GALNTL6: variants seen among roughly 807,000 people sequenced by gnomAD.
GALNTL6 encodes the protein polypeptide N-acetylgalactosaminyltransferase like 6, also known as polypeptide N-acetylgalactosaminyltransferase-like 6.
A neutral mutation model predicts 73.7 loss-of-function variants in GALNTL6; 46 were observed. That is an observed-to-expected ratio of 0.62 (90% CI 0.49 to 0.80). The LOEUF (loss-of-function observed/expected upper bound fraction) is 0.80. GALNTL6 is among the 30% of genes least tolerant of loss of function. GALNTL6 has a pLI of 0.00. For missense variants in GALNTL6, 604 were observed against 755.0 expected (o/e 0.80, Z 2.34); for synonymous variants, 259 against 263.7 (o/e 0.98, Z 0.17).
At chr4:172,141,393 T>C (rs1198969661) in intron 2 of GALNTL6, among the ~76,000 whole-genome samples, 1 of 152,076 alleles carries the variant, frequency 6.6e-6, no homozygotes, top group African/African-American at 2.4e-5. Flanking sequence ...CAATGTGATA[T>C]ACATTCTGTG....
chr4:173,001,427 A>G (rs1752040729), intron 10 of GALNTL6, among the ~76,000 whole-genome samples: 1 of 152,210 alleles, frequency 6.6e-6, no homozygotes, highest in Non-Finnish European at 1.5e-5. Flanking sequence ...AGAATAAAAC[A>G]TAGGGGAAAA....
At position 172,821,302 on chromosome 4, in the gene GALNTL6, C is replaced by T. The variant is rs545975996; in HGVS notation, c.923+7579C>T. On this transcript the variant is annotated intron_variant, in intron 7 of 12. Coordinates refer to ENST00000506823, the MANE Select transcript of GALNTL6 (RefSeq NM_001034845.3). ...TGCCTTCATTCATTCATTCAGATTT[C>T]AAATCTTAGCTTTAATCAATGGTCT... Among the ~76,000 whole-genome samples, 68 of 152,308 alleles carry T rather than the reference C, an allele frequency of 4.5e-4. 1 individual carries two copies. The highest frequency in any genetic ancestry group is 1.6e-3 in the African/African-American group (67 of 41,566).
chr4:171,991,265 G>T (rs1740324108), intron 2 of GALNTL6, among the ~76,000 whole-genome samples: 1 of 152,058 alleles, frequency 6.6e-6, no homozygotes, highest in Admixed American at 6.5e-5. Context: ...CCTAAATTAA[G>T]GTGAGGTATG....
chr4:172,494,285 C>T (rs551741145), intron 5 of GALNTL6, among the ~76,000 whole-genome samples: 12 of 152,182 alleles, frequency 7.9e-5, no homozygotes, highest in South Asian at 6.2e-4. Flanking sequence ...ATAGAAGTAA[C>T]GACTGGGGAT....
At position 171,984,482 on chromosome 4, in the gene GALNTL6, G is replaced by A. The variant is rs1177857976; in HGVS notation, c.138+169764G>A. 2.0e-5 allele frequency among the ~76,000 whole-genome samples: 3 copies of A among 152,006 alleles called. No individual in the cohort carries two copies. In the East Asian group the frequency reaches 5.8e-4, roughly 30 times the overall value. On this transcript the variant is annotated intron_variant, in intron 2 of 12. Transcript: ENST00000506823. Reference sequence around the variant, plus strand: ...TGTGGTCAGAAAGGGTTGTAGAGGTGGCCCAAAACTCTCCAGATGGGAGAG... The same window carrying A: ...TGTGGTCAGAAAGGGTTGTAGAGGTAGCCCAAAACTCTCCAGATGGGAGAG...
intron 5 of GALNTL6, among the ~76,000 whole-genome samples, chr4:172,614,404 A>G (rs1308861054): frequency 4.6e-5 from 7 of 152,162 alleles, no homozygotes; most frequent in South Asian, 4.1e-4. Context: ...TCACCAGTCA[A>G]TTCTAACAAT....
intron 5 of GALNTL6, among the ~76,000 whole-genome samples, chr4:172,599,465 G>T (rs913503602): frequency 1.3e-5 from 2 of 152,188 alleles, no homozygotes; most frequent in African/African-American, 4.8e-5. Context: ...TAAAATCTGA[G>T]ACCCTACTTG....
intron 10 of GALNTL6, among the ~76,000 whole-genome samples, chr4:172,968,950 A>C (rs569047465): frequency 6.6e-6 from 1 of 152,354 alleles, no homozygotes; most frequent in African/African-American, 2.4e-5. Flanking sequence ...GATAAGAATT[A>C]ATCAAATATA....
At chr4:171,847,111 A>G (rs1479927214) in intron 2 of GALNTL6, among the ~76,000 whole-genome samples, 1 of 151,854 alleles carries the variant, frequency 6.6e-6, no homozygotes, top group Non-Finnish European at 1.5e-5. Context: ...ACTTTGTAGA[A>G]CACACCTTCT....
intron 5 of GALNTL6, among the ~76,000 whole-genome samples, chr4:172,378,825 G>A (rs940245852): frequency 7.3e-5 from 11 of 149,918 alleles, no homozygotes; most frequent in African/African-American, 2.7e-4. Context: ...AAAACTGGAT[G>A]AGATTGATTA....
At chr4:172,540,380 A>G (rs1411446258) in intron 5 of GALNTL6, among the ~76,000 whole-genome samples, 1 of 152,164 alleles carries the variant, frequency 6.6e-6, no homozygotes, top group African/African-American at 2.4e-5. Context: ...GCACCTGTGC[A>G]TGATAGTAAA....
intron 5 of GALNTL6, among the ~76,000 whole-genome samples, chr4:172,706,044 G>A (rs1734331688): frequency 6.6e-6 from 1 of 151,912 alleles, no homozygotes; most frequent in Admixed American, 6.6e-5. Flanking sequence ...CTGTTATTGT[G>A]TCTTTGAATA....
chr4:172,419,640 G>A (rs1458583784), intron 5 of GALNTL6, among the ~76,000 whole-genome samples: 1 of 152,156 alleles, frequency 6.6e-6, no homozygotes, highest in African/African-American at 2.4e-5. Context: ...AGAGTTTATA[G>A]TATAACTAAA....
intron 5 of GALNTL6, among the ~76,000 whole-genome samples, chr4:172,442,925 C>T (rs767718376): frequency 6.6e-6 from 1 of 151,642 alleles, no homozygotes; most frequent in African/African-American, 2.4e-5. Flanking sequence ...TTGCAAGCTA[C>T]TGAGTTTTCT....
At chr4:172,039,363 T>C (rs1304658686) in intron 2 of GALNTL6, among the ~76,000 whole-genome samples, 2 of 152,212 alleles carry the variant, frequency 1.3e-5, no homozygotes, top group Admixed American at 6.6e-5. Flanking sequence ...AGAAGCTTTT[T>C]AAAGAGGAAG....
chr4:172,786,219 C>T (rs1739647826), intron 5 of GALNTL6, among the ~76,000 whole-genome samples: 1 of 151,980 alleles, frequency 6.6e-6, no homozygotes, highest in East Asian at 1.9e-4. Flanking sequence ...CTTCAGAAAA[C>T]ATAAATCTTT....
chr4:172,012,846 T>C (rs1204913668), intron 2 of GALNTL6, among the ~76,000 whole-genome samples: 2 of 152,226 alleles, frequency 1.3e-5, no homozygotes, highest in African/African-American at 4.8e-5. Context: ...AAGTGTACAA[T>C]GCGATAGTTT....
intron 5 of GALNTL6, among the ~76,000 whole-genome samples, chr4:172,523,398 T>A (rs1390090210): frequency 6.6e-6 from 1 of 152,140 alleles, no homozygotes; most frequent in Non-Finnish European, 1.5e-5. Flanking sequence ...AGAGTCTCAC[T>A]CTGTCATCTA....
At chr4:172,897,571 G>A (rs1442745168) in intron 8 of GALNTL6, among the ~76,000 whole-genome samples, 2 of 152,098 alleles carry the variant, frequency 1.3e-5, no homozygotes, top group South Asian at 2.1e-4. Context: ...AAGAAAAATG[G>A]GGCTATAACC....
Sources: gnomAD v4.1 joint callset for allele counts (sites outside exome capture counted in the v4.1 genomes callset) on GRCh38, gnomAD v4.1.1 for gene constraint, MANE v1.5 for transcripts, NCBI Gene and HGNC (gene_info 2026-07-23, HGNC 2026-07-21) for gene names.